SHROOM3: variants seen among roughly 807,000 people sequenced by gnomAD.
The protein encoded by SHROOM3 is protein Shroom3.
Under a neutral mutation model 138.6 loss-of-function variants are expected in SHROOM3, and 47 were observed. The observed-to-expected ratio is 0.34, with a 90% CI of 0.27 to 0.43. SHROOM3 has a LOEUF of 0.43. Among genes scored for constraint, SHROOM3 ranks in the 20% least tolerant of loss-of-function variants. The probability of loss-of-function intolerance (pLI) is 1.00; values close to 1 mark genes in which losing one functional copy is unlikely to be tolerated. For synonymous variants in SHROOM3, 1,062 were observed against 1,063.3 expected (o/e 1.00, Z 0.02); for missense variants, 2,491 against 2,596.5 (o/e 0.96, Z 0.88).
At chr4:76,586,613 T>C in intron 2 of SHROOM3, 1 of 340,050 alleles carries the variant, frequency 2.9e-6, no homozygotes, top group Non-Finnish European at 4.2e-6. Context: ...ACCAAGGTTT[T>C]GGGCTGTCAG....
chr4:76,470,156 G>A (rs570566098), intron 1 of SHROOM3, among the ~76,000 whole-genome samples: 13 of 152,224 alleles, frequency 8.5e-5, no homozygotes, highest in African/African-American at 2.6e-4. Context: ...TAAAGTTGAG[G>A]AAAGAGGCCT....
intron 2 of SHROOM3, among the ~76,000 whole-genome samples, chr4:76,595,139 T>C (rs1362300944): frequency 6.6e-6 from 1 of 152,218 alleles, no homozygotes; most frequent in Admixed American, 6.5e-5. Flanking sequence ...CTTGTTGTGT[T>C]GTTGTGTAGT....
intron 2 of SHROOM3, among the ~76,000 whole-genome samples, chr4:76,689,122 T>C (rs1426325258): frequency 2.0e-5 from 3 of 152,060 alleles, no homozygotes; most frequent in African/African-American, 7.2e-5. Context: ...GGGAGGTTAA[T>C]TAAGGCACCT....
At chr4:76,737,371 A>C (rs1721104022) in intron 4 of SHROOM3, among the ~76,000 whole-genome samples, 1 of 152,016 alleles carries the variant, frequency 6.6e-6, no homozygotes, top group African/African-American at 2.4e-5. Context: ...GCAATTATGA[A>C]TAAAACTGCT....
intron 1 of SHROOM3, among the ~76,000 whole-genome samples, chr4:76,450,648 A>G (rs1730908434): frequency 6.6e-6 from 1 of 152,234 alleles, no homozygotes; most frequent in Non-Finnish European, 1.5e-5. Flanking sequence ...CACATATATG[A>G]GATACCCAGA....
chr4:76,448,413 G>C (rs1290863799), intron 1 of SHROOM3, among the ~76,000 whole-genome samples: 1 of 152,112 alleles, frequency 6.6e-6, no homozygotes, highest in African/African-American at 2.4e-5. Flanking sequence ...GCATTGGCTG[G>C]ACTTCCAGCT....
At chr4:76,687,761 C>A (rs1169152407) in intron 2 of SHROOM3, among the ~76,000 whole-genome samples, 1 of 152,204 alleles carries the variant, frequency 6.6e-6, no homozygotes, top group East Asian at 1.9e-4. Flanking sequence ...GTGTAACATC[C>A]ATGCTGTGTG....
intron 1 of SHROOM3, among the ~76,000 whole-genome samples, chr4:76,541,705 C>A (rs1560539332): frequency 6.6e-6 from 1 of 152,060 alleles, no homozygotes; most frequent in African/African-American, 2.4e-5. Flanking sequence ...ATGGCCCCTC[C>A]ACACATTTCA....
chr4:76,759,847 A>G (rs1395477362), intron 9 of SHROOM3, 152 bp downstream of exon 9: 4 of 896,642 alleles, frequency 4.5e-6, no homozygotes, highest in Non-Finnish European at 7.1e-6. Context: ...CTTTGGATTT[A>G]CATGGCACTT....
intron 2 of SHROOM3, among the ~76,000 whole-genome samples, chr4:76,599,352 A>T (rs1196377702): frequency 6.6e-6 from 1 of 152,134 alleles, no homozygotes; most frequent in South Asian, 2.1e-4. Context: ...AAACTGTAGG[A>T]TCTTTTGCGT....
At chr4:76,450,684 G>T (rs1173959358) in intron 1 of SHROOM3, among the ~76,000 whole-genome samples, 1 of 152,184 alleles carries the variant, frequency 6.6e-6, no homozygotes, top group East Asian at 1.9e-4. Context: ...GGGACAGAAA[G>T]TAGATGAAAG....
chr4:76,767,347 C>T (rs1352157364), intron 9 of SHROOM3, among the ~76,000 whole-genome samples: 3 of 152,190 alleles, frequency 2.0e-5, no homozygotes, highest in Non-Finnish European at 2.9e-5. Flanking sequence ...GGTTTCTGCC[C>T]ATTTGCAAAT....
chr4:76,735,768 A>G (rs1578004389), intron 4 of SHROOM3, among the ~76,000 whole-genome samples: 1 of 136,772 alleles, frequency 7.3e-6, no homozygotes. Flanking sequence ...TGAACCCGGG[A>G]GGCGGTGGTT....
intron 2 of SHROOM3, among the ~76,000 whole-genome samples, chr4:76,663,857 G>A (rs1038221003): frequency 6.6e-6 from 1 of 152,180 alleles, no homozygotes; most frequent in African/African-American, 2.4e-5. Context: ...AACAGGACAT[G>A]AGGCCTTCAG....
chr4:76,547,193 G>A (rs1038551623), intron 1 of SHROOM3, among the ~76,000 whole-genome samples: 4 of 152,202 alleles, frequency 2.6e-5, no homozygotes, highest in Admixed American at 6.5e-5. Flanking sequence ...GAAGGATTAG[G>A]CAGGACAAGT....
intron 3 of SHROOM3, among the ~76,000 whole-genome samples, chr4:76,727,771 C>T (rs1275846047): frequency 6.6e-6 from 1 of 151,438 alleles, no homozygotes; most frequent in African/African-American, 2.4e-5. Flanking sequence ...GCCTGTAATC[C>T]CAGCTACTTG....
At chr4:76,763,989 T>C (rs1169844195) in intron 9 of SHROOM3, among the ~76,000 whole-genome samples, 1 of 152,228 alleles carries the variant, frequency 6.6e-6, no homozygotes, top group Admixed American at 6.5e-5. Flanking sequence ...AATGTAGCCT[T>C]TGACCAACTT....
At chr4:76,464,767 C>T (rs1196250172) in intron 1 of SHROOM3, among the ~76,000 whole-genome samples, 2 of 152,092 alleles carry the variant, frequency 1.3e-5, no homozygotes, top group Non-Finnish European at 2.9e-5. Flanking sequence ...TAGCACTTCC[C>T]TCTTTACCTT....
intron 1 of SHROOM3, among the ~76,000 whole-genome samples, chr4:76,552,067 T>A (rs1222426668): frequency 2.7e-5 from 4 of 148,674 alleles, no homozygotes; most frequent in Non-Finnish European, 6.0e-5. Context: ...TTCACCGTGT[T>A]AGCCAGGATG....
Sources: allele counts gnomAD v4.1 joint callset (sites outside exome capture counted in the v4.1 genomes callset), GRCh38; gene constraint gnomAD v4.1.1; transcripts MANE v1.5; gene names NCBI Gene and HGNC (gene_info 2026-07-23, HGNC 2026-07-21).